The following ARHGAP31 variants were observed in gnomAD, a reference collection of about 807,000 sequenced individuals.
ARHGAP31 encodes the protein rho GTPase-activating protein 31.
A neutral mutation model predicts 113.9 loss-of-function variants in ARHGAP31; 34 were observed. The observed-to-expected ratio is 0.30, with a 90% CI of 0.23 to 0.40. ARHGAP31 has a LOEUF of 0.40. Among genes scored for constraint, ARHGAP31 ranks in the 10% least tolerant of loss-of-function variants. ARHGAP31 has a pLI of 1.00. For missense variants in ARHGAP31, 1,548 were observed against 1,767.1 expected (o/e 0.88, Z 2.22); for synonymous variants, 650 against 684.8 (o/e 0.95, Z 0.79).
At chr3:119,336,569 A>G (rs1667775477) in intron 1 of ARHGAP31, among the ~76,000 whole-genome samples, 1 of 152,230 alleles carries the variant, frequency 6.6e-6, no homozygotes, top group South Asian at 2.1e-4. Context: ...CAGTGATAAA[A>G]TATTCCTCCC....
intron 1 of ARHGAP31, among the ~76,000 whole-genome samples, chr3:119,337,308 G>C (rs572485614): frequency 1.7e-4 from 26 of 152,248 alleles, no homozygotes; most frequent in African/African-American, 6.0e-4. Flanking sequence ...TGCGTTGAGT[G>C]TTACAGTTCA....
chr3:119,309,040 C>T (rs527518166), intron 1 of ARHGAP31, among the ~76,000 whole-genome samples: 2 of 152,214 alleles, frequency 1.3e-5, no homozygotes, highest in Admixed American at 6.5e-5. Context: ...CAAGGTTTCA[C>T]GATGTTGCCC....
chr3:119,338,434 AAAATAGCACAGTAAATACAG>A (rs1182018707), intron 1 of ARHGAP31, among the ~76,000 whole-genome samples: 3 of 152,356 alleles, frequency 2.0e-5, no homozygotes, highest in African/African-American at 7.2e-5. Flanking sequence ...GAAATAAACA[AAAATAGCACAGTAAATACAG>A]AAAGAATCGA....
intron 1 of ARHGAP31, among the ~76,000 whole-genome samples, chr3:119,306,511 C>T (rs779555340): frequency 2.6e-5 from 4 of 152,122 alleles, no homozygotes; most frequent in African/African-American, 9.7e-5. Flanking sequence ...AAGCCGAGAT[C>T]GCACCACTGC....
intron 1 of ARHGAP31, among the ~76,000 whole-genome samples, chr3:119,301,121 G>A (rs998794014): frequency 2.6e-5 from 4 of 152,214 alleles, no homozygotes; most frequent in Non-Finnish European, 5.9e-5. Flanking sequence ...AACCCACACA[G>A]AGAATAGAAA....
chr3:119,404,582 T>G (rs2080644289), intron 10 of ARHGAP31, among the ~76,000 whole-genome samples: 2 of 152,238 alleles, frequency 1.3e-5, no homozygotes, highest in East Asian at 3.8e-4. Context: ...AATATTTTTC[T>G]TTCTGTTGTG....
At chr3:119,326,154 T>TG (rs1435566811) in intron 1 of ARHGAP31, among the ~76,000 whole-genome samples, 2 of 152,102 alleles carry the variant, frequency 1.3e-5, no homozygotes, top group Non-Finnish European at 2.9e-5. Flanking sequence ...ATCATGTCAT[T>TG]GCACTCCAGC....
At chr3:119,318,848 A>C (rs1163356484) in intron 1 of ARHGAP31, among the ~76,000 whole-genome samples, 1 of 152,192 alleles carries the variant, frequency 6.6e-6, no homozygotes, top group Non-Finnish European at 1.5e-5. Context: ...TCCTGGGAAA[A>C]AATTGAGAAG....
Position 119,401,825 on chromosome 3 carries a change from A to G in ARHGAP31, c.1073A>G (p.Lys358Arg), listed in dbSNP as rs760768302. The part of the protein sequence containing the change: ...DSLCSVPVEG[K>R]ETKGNFNRTV... ...TACACTTGTTCCTTTTTACTAGGAAAAGAAACCAAGGGAAATTTCAATCGA... is the reference window on the plus strand; with the variant it reads ...TACACTTGTTCCTTTTTACTAGGAAGAGAAACCAAGGGAAATTTCAATCGA... Residue 358 changes from lysine (K) to arginine (R), a missense_variant, in exon 10 of 12, where the codon AAA becomes AGA. Physicochemically the swap from Lys to Arg is conservative, Grantham distance 26. Coordinates refer to ENST00000264245, the MANE Select transcript of ARHGAP31 (RefSeq NM_020754.4). 1 of 1,613,874 alleles carries G rather than the reference A, an allele frequency of 6.2e-7. No homozygotes were observed. The highest frequency in any genetic ancestry group is 1.3e-5 in the African/African-American group (1 of 74,898).
At chr3:119,331,251 C>G (rs1478282864) in intron 1 of ARHGAP31, among the ~76,000 whole-genome samples, 5 of 151,928 alleles carry the variant, frequency 3.3e-5, no homozygotes, top group Non-Finnish European at 7.4e-5. Context: ...TGTAGCACTC[C>G]ATGATAGAGA....
chr3:119,347,120 C>A (rs575897381), intron 1 of ARHGAP31, among the ~76,000 whole-genome samples: 3 of 151,478 alleles, frequency 2.0e-5, no homozygotes, highest in African/African-American at 4.8e-5. Context: ...GCTCACTGTG[C>A]GCTCACTAAG....
intron 1 of ARHGAP31, among the ~76,000 whole-genome samples, chr3:119,308,273 C>T (rs1293724973): frequency 1.3e-5 from 2 of 152,190 alleles, no homozygotes; most frequent in East Asian, 1.9e-4. Context: ...TTTCCTATTG[C>T]TCCCATAACA....
intron 1 of ARHGAP31, among the ~76,000 whole-genome samples, chr3:119,357,089 A>G (rs2080165012): frequency 6.6e-6 from 1 of 152,212 alleles, no homozygotes; most frequent in South Asian, 2.1e-4. Flanking sequence ...TGCCAATCTG[A>G]GAAGTGAAAA....
At chr3:119,364,970 T>C (rs2080240893) in intron 1 of ARHGAP31, among the ~76,000 whole-genome samples, 1 of 152,106 alleles carries the variant, frequency 6.6e-6, no homozygotes, top group Admixed American at 6.6e-5. Context: ...GGCGGGTGCC[T>C]GTAATCCCAG....
chr3:119,329,847 C>T (rs1280019968), intron 1 of ARHGAP31: 2 of 985,374 alleles, frequency 2.0e-6, no homozygotes, highest in Non-Finnish European at 2.4e-6. Context: ...ACTGTCCCCA[C>T]CAAAGTGTTA....
intron 1 of ARHGAP31, among the ~76,000 whole-genome samples, chr3:119,300,874 G>GAAAA (rs1295900979): frequency 6.8e-6 from 1 of 147,508 alleles, no homozygotes; most frequent in Non-Finnish European, 1.5e-5. Flanking sequence ...AAGAAAGAAA[G>GAAAA]ACACAGCCTC....
At chr3:119,351,045 C>T (rs78632662) in intron 1 of ARHGAP31, among the ~76,000 whole-genome samples, 1,855 of 152,270 alleles carry the variant, frequency 0.012, 22 homozygotes, top group Admixed American at 0.018. Flanking sequence ...TCATTTGGAT[C>T]CAGAACTTGT....
At chr3:119,345,906 G>A (rs2080052408) in intron 1 of ARHGAP31, among the ~76,000 whole-genome samples, 1 of 152,172 alleles carries the variant, frequency 6.6e-6, no homozygotes, top group South Asian at 2.1e-4. Context: ...GGCTCTGTTA[G>A]CCCTGACTTG....
intron 1 of ARHGAP31, among the ~76,000 whole-genome samples, chr3:119,316,677 C>G (rs530323662): frequency 6.6e-6 from 1 of 152,282 alleles, no homozygotes; most frequent in Admixed American, 6.5e-5. Flanking sequence ...GTACAAAAAC[C>G]TCAAGTCTGT....
Sources: allele counts gnomAD v4.1 joint callset (sites outside exome capture counted in the v4.1 genomes callset), GRCh38; gene constraint gnomAD v4.1.1; transcripts MANE v1.5; gene names NCBI Gene and HGNC (gene_info 2026-07-23, HGNC 2026-07-21).